Variants in PTPRN2 observed in about 807,000 individuals in gnomAD.
The protein encoded by PTPRN2 is protein tyrosine phosphatase receptor type N2.
A neutral mutation model predicts 118.8 loss-of-function variants in PTPRN2; 74 were observed. The observed-to-expected ratio is 0.62, with a 90% CI of 0.52 to 0.76. The LOEUF (loss-of-function observed/expected upper bound fraction) is 0.76, where lower values mean the gene tolerates loss of function less well. PTPRN2 is among the 30% of genes least tolerant of loss of function. The pLI is 0.00. For synonymous variants in PTPRN2, 641 were observed against 608.0 expected (o/e 1.05, Z -0.80); for missense variants, 1,481 against 1,394.4 (o/e 1.06, Z -0.99).
intron 2 of PTPRN2, among the ~76,000 whole-genome samples, chr7:158,441,745 GGTGATA>G (rs1785133535): frequency 6.7e-6 from 1 of 148,224 alleles, no homozygotes; most frequent in Non-Finnish European, 1.5e-5. Flanking sequence ...TGGCAGTGGT[GGTGATA>G]GTGATAGTGA....
chr7:158,280,146 G>C (rs1315205136), intron 3 of PTPRN2, among the ~76,000 whole-genome samples: 6 of 152,208 alleles, frequency 3.9e-5, no homozygotes, highest in Non-Finnish European at 5.9e-5. Flanking sequence ...TTGTTTCACA[G>C]ACCGCATAAT....
intron 13 of PTPRN2, among the ~76,000 whole-genome samples, chr7:157,658,870 G>A (rs972735517): frequency 7.2e-5 from 11 of 152,136 alleles, no homozygotes; most frequent in African/African-American, 2.7e-4. Context: ...CTGCTGCCTT[G>A]GTTTCATTTT....
chr7:157,852,517 AGT>A (rs1809349556), intron 12 of PTPRN2, among the ~76,000 whole-genome samples: 1 of 152,220 alleles, frequency 6.6e-6, no homozygotes, highest in Non-Finnish European at 1.5e-5. Flanking sequence ...ATGGTGAAGG[AGT>A]GTGTGTTTAA....
chr7:157,623,542 G>A (rs1430549440), intron 14 of PTPRN2, among the ~76,000 whole-genome samples: 1 of 152,168 alleles, frequency 6.6e-6, no homozygotes, highest in Non-Finnish European at 1.5e-5. Context: ...AAGAGGCACT[G>A]GATATTATCT....
At chr7:158,060,133 G>T in intron 11 of PTPRN2, among the ~76,000 whole-genome samples, 1 of 97,554 alleles carries the variant, frequency 1.0e-5, no homozygotes, top group South Asian at 4.4e-4. Flanking sequence ...TCTGCACACG[G>T]TGACACATCA....
intron 22 of PTPRN2, 131 bp from the exon 23 acceptor site, chr7:157,540,916 C>T (rs950126603): frequency 2.5e-5 from 17 of 691,428 alleles, no homozygotes; most frequent in African/African-American, 1.3e-4. Context: ...CGGGCCATTT[C>T]GCAGAAAGAA....
At chr7:158,488,570 G>A (rs1039348073) in intron 2 of PTPRN2, among the ~76,000 whole-genome samples, 1 of 152,196 alleles carries the variant, frequency 6.6e-6, no homozygotes, top group Non-Finnish European at 1.5e-5. Flanking sequence ...CAGACCCTCA[G>A]AGGCATTCAC....
At chr7:158,332,730 C>A (rs1340160435) in intron 2 of PTPRN2, among the ~76,000 whole-genome samples, 3 of 151,402 alleles carry the variant, frequency 2.0e-5, no homozygotes, top group East Asian at 1.9e-4. Context: ...CACCCACACT[C>A]TCACCATAAG....
chr7:158,408,995 A>AT (rs918323753), intron 2 of PTPRN2, among the ~76,000 whole-genome samples: 4 of 116,358 alleles, frequency 3.4e-5, no homozygotes, highest in East Asian at 4.3e-4. Context: ...GCTCTCCTTA[A>AT]TTAAAAAAAA....
intron 12 of PTPRN2, among the ~76,000 whole-genome samples, chr7:157,788,647 C>A (rs1205430939): frequency 6.6e-6 from 1 of 152,242 alleles, no homozygotes; most frequent in Non-Finnish European, 1.5e-5. Context: ...CCCAGGCATG[C>A]AGCCCTGCTG....
intron 11 of PTPRN2, among the ~76,000 whole-genome samples, chr7:158,017,405 T>G (rs985352242): frequency 6.6e-6 from 1 of 152,000 alleles, no homozygotes; most frequent in African/African-American, 2.4e-5. Context: ...GAGAAGGGTC[T>G]AGGCTCCAGG....
At chr7:158,465,189 T>G (rs1819304834) in intron 2 of PTPRN2, among the ~76,000 whole-genome samples, 1 of 152,190 alleles carries the variant, frequency 6.6e-6, no homozygotes, top group South Asian at 2.1e-4. Context: ...TCTTGCAGAG[T>G]TTGTGCGAAG....
At chr7:158,191,213 T>C (rs911542540) in intron 5 of PTPRN2, among the ~76,000 whole-genome samples, 2 of 152,134 alleles carry the variant, frequency 1.3e-5, no homozygotes, top group African/African-American at 2.4e-5. Flanking sequence ...AGGAACATAA[T>C]AGAAACTGGG....
At chr7:157,816,688 A>G (rs892931844) in intron 12 of PTPRN2, among the ~76,000 whole-genome samples, 2 of 152,224 alleles carry the variant, frequency 1.3e-5, no homozygotes, top group African/African-American at 4.8e-5. Flanking sequence ...TCAGAAAAGC[A>G]GGCAGGCTGG....
At chr7:158,371,936 C>T (rs934122939) in intron 2 of PTPRN2, among the ~76,000 whole-genome samples, 22 of 152,318 alleles carry the variant, frequency 1.4e-4, no homozygotes, top group African/African-American at 3.6e-4. Context: ...CACAGCTGGA[C>T]GTAGCGCACT....
intron 9 of PTPRN2, among the ~76,000 whole-genome samples, chr7:158,120,189 G>C (rs1817045046): frequency 6.6e-6 from 1 of 152,142 alleles, no homozygotes; most frequent in Admixed American, 6.5e-5. Flanking sequence ...GCTGCCAGGG[G>C]CTGGGGTAGG....
intron 11 of PTPRN2, among the ~76,000 whole-genome samples, chr7:157,925,584 C>G (rs2128773677): frequency 6.6e-6 from 1 of 152,348 alleles, no homozygotes; most frequent in South Asian, 2.1e-4. Flanking sequence ...AGGTGGTCAG[C>G]AGTGGACTCG....
chr7:157,718,810 T>TGGCCCCAGGGTGAGTCTCAGCACGTCCA (rs1554421409), intron 12 of PTPRN2, among the ~76,000 whole-genome samples: 1 of 137,340 alleles, frequency 7.3e-6, no homozygotes, highest in East Asian at 2.7e-4. Context: ...CAGCCACTCT[T>TGGCCCCAGGGTGAGTCTCAGCACGTCCA]GGTTTCTCAG....
chr7:158,331,830 CCG>C lies in PTPRN2; in HGVS notation c.164-14900_164-14899del, dbSNP rs1298739734. Among the ~76,000 whole-genome samples, 41 of 105,154 alleles carry C rather than the reference CCG, an allele frequency of 3.9e-4. 3 individuals carry two copies. The highest frequency in any genetic ancestry group is 1.4e-3 in the African/African-American group (40 of 28,980). The allele number at this position is 105,154 out of a possible 152,430, so 69.0% of individuals were successfully genotyped here. A position where few individuals can be genotyped will look rare whatever the true frequency, so the allele number is the denominator to read the frequency against. ...ACACTGTCACCCTAAGAGGTGACAC[CCG>C]CAGACGACACTAACAACCAGATTCT... On this transcript the variant is annotated intron_variant, in intron 2 of 22. Transcript: ENST00000389418.
Sources: gnomAD v4.1 joint callset for allele counts (sites outside exome capture counted in the v4.1 genomes callset) on GRCh38, gnomAD v4.1.1 for gene constraint, MANE v1.5 for transcripts, NCBI Gene and HGNC (gene_info 2026-07-23, HGNC 2026-07-21) for gene names.